The following DPP10 variants were observed in gnomAD, a reference collection of about 807,000 sequenced individuals.
DPP10 encodes the protein inactive dipeptidyl peptidase 10.
Under a neutral mutation model 120.9 loss-of-function variants are expected in DPP10, and 33 were observed. The ratio of observed to expected loss-of-function variants is 0.27; its 90% CI spans 0.21 to 0.37. The LOEUF is 0.37. DPP10 is among the 10% of genes least tolerant of loss of function. The pLI, the probability that DPP10 is intolerant of heterozygous loss-of-function variation, is 1.00. For synonymous variants in DPP10, 337 were observed against 326.1 expected (o/e 1.03, Z -0.36); for missense variants, 816 against 942.8 (o/e 0.87, Z 1.76).
At chr2:115,641,032 T>A (rs939371218) in intron 5 of DPP10, among the ~76,000 whole-genome samples, 2 of 152,176 alleles carry the variant, frequency 1.3e-5, no homozygotes, top group Non-Finnish European at 2.9e-5. Context: ...GAATAATTAC[T>A]TTGAAAATAG....
At chr2:115,077,642 C>T (rs1378894734) in intron 1 of DPP10, among the ~76,000 whole-genome samples, 1 of 152,158 alleles carries the variant, frequency 6.6e-6, no homozygotes, top group Admixed American at 6.5e-5. Flanking sequence ...CACATAACAA[C>T]AGATTTTCAC....
chr2:114,701,125 C>T (rs1049160132), intron 1 of DPP10, among the ~76,000 whole-genome samples: 1 of 152,074 alleles, frequency 6.6e-6, no homozygotes, highest in Non-Finnish European at 1.5e-5. Context: ...ATGATGTGAT[C>T]TTCTTTAATC....
At chr2:114,946,756 C>T (rs990789088) in intron 1 of DPP10, among the ~76,000 whole-genome samples, 5 of 151,530 alleles carry the variant, frequency 3.3e-5, no homozygotes, top group African/African-American at 9.7e-5. Flanking sequence ...TCTTATTTCT[C>T]GGAAGGTTCT....
chr2:114,626,433 A>C (rs1201243521), intron 1 of DPP10, among the ~76,000 whole-genome samples: 1 of 152,098 alleles, frequency 6.6e-6, no homozygotes, highest in East Asian at 1.9e-4. Context: ...AATTACATTT[A>C]ATAATCACAT....
chr2:114,711,102 G>A (rs1160847225), intron 1 of DPP10, among the ~76,000 whole-genome samples: 1 of 152,140 alleles, frequency 6.6e-6, no homozygotes. Flanking sequence ...ATTAAGGTCA[G>A]GAAAAAGGCA....
chr2:114,653,004 G>T (rs1208288616), intron 1 of DPP10, among the ~76,000 whole-genome samples: 1 of 142,458 alleles, frequency 7.0e-6, no homozygotes, highest in African/African-American at 2.8e-5. Context: ...GAGAGAGAGA[G>T]AGAGAAAGAG....
intron 1 of DPP10, chr2:114,828,632 A>C (rs549702489): frequency 4.5e-4 from 68 of 152,346 alleles, no homozygotes; most frequent in African/African-American, 1.6e-3. Context: ...ATAAAACAAC[A>C]CAAGTACAAA....
chr2:115,237,249 TTA>T (rs2058051041), intron 1 of DPP10, among the ~76,000 whole-genome samples: 1 of 152,172 alleles, frequency 6.6e-6, no homozygotes. Context: ...TAATTCATTA[TTA>T]TTGTATCTGT....
intron 1 of DPP10, among the ~76,000 whole-genome samples, chr2:115,150,169 T>A (rs2051456582): frequency 6.6e-6 from 1 of 152,142 alleles, no homozygotes; most frequent in South Asian, 2.1e-4. Context: ...AACGGAGGAT[T>A]CCCACAAGCC....
chr2:115,164,092 A>G (rs1165979773), intron 1 of DPP10, among the ~76,000 whole-genome samples: 1 of 152,126 alleles, frequency 6.6e-6, no homozygotes, highest in Non-Finnish European at 1.5e-5. Context: ...TATTGACATG[A>G]TTTGAAAATG....
At chr2:114,922,722 A>G (rs370586561) in intron 1 of DPP10, among the ~76,000 whole-genome samples, 2 of 152,180 alleles carry the variant, frequency 1.3e-5, no homozygotes, top group East Asian at 3.8e-4. Flanking sequence ...TGAATCAACA[A>G]TTTGTTTTTT....
intron 5 of DPP10, among the ~76,000 whole-genome samples, chr2:115,657,392 C>T (rs1314255616): frequency 1.3e-5 from 2 of 151,678 alleles, no homozygotes; most frequent in Non-Finnish European, 3.0e-5. Context: ...ACTCTGCAAT[C>T]GACAAAAATA....
intron 1 of DPP10, among the ~76,000 whole-genome samples, chr2:115,292,613 C>T (rs976729079): frequency 2.0e-5 from 3 of 152,098 alleles, no homozygotes; most frequent in African/African-American, 7.2e-5. Flanking sequence ...AAATCCTTGC[C>T]ATGCTGCTGT....
At position 114,553,214 on chromosome 2, in the gene DPP10, G is replaced by A. The variant is rs546592929; in HGVS notation, c.60+110376G>A. On this transcript the variant is annotated intron_variant, in intron 1 of 25. Transcript: ENST00000410059. ...CCTTTATGCCGGTCTGCCTTATGTG[G>A]CATTCGTCTCTTCCTCTTGCCAGGC... Among the ~76,000 whole-genome samples, 98 of 152,254 alleles carry A rather than the reference G, an allele frequency of 6.4e-4. 1 individual carries two copies. Among genetic ancestry groups the A allele is most frequent in the Middle Eastern group, 3.4e-3 (1 of 294 alleles).
intron 7 of DPP10, among the ~76,000 whole-genome samples, chr2:115,723,239 G>A (rs2092688664): frequency 6.6e-6 from 1 of 152,138 alleles, no homozygotes; most frequent in Non-Finnish European, 1.5e-5. Flanking sequence ...TTATGTGTCG[G>A]CGAGATTACT....
At chr2:115,449,815 G>A (rs1254780044) in intron 3 of DPP10, among the ~76,000 whole-genome samples, 1 of 152,074 alleles carries the variant, frequency 6.6e-6, no homozygotes, top group Non-Finnish European at 1.5e-5. Flanking sequence ...GCCATAAATA[G>A]CAAGGTAGTA....
intron 1 of DPP10, among the ~76,000 whole-genome samples, chr2:114,741,817 A>G (rs1248256242): frequency 6.6e-6 from 1 of 152,204 alleles, no homozygotes; most frequent in East Asian, 1.9e-4. Flanking sequence ...GGACCACCAG[A>G]AACTGAAAGA....
chr2:114,870,592 C>G (rs1690617202), intron 1 of DPP10, among the ~76,000 whole-genome samples: 1 of 83,148 alleles, frequency 1.2e-5, no homozygotes, highest in African/African-American at 3.6e-5. Flanking sequence ...GATGCAGAGA[C>G]ATTAAAAGGT....
At chr2:115,297,310 A>G (rs1342928234) in intron 1 of DPP10, 1 of 390,186 alleles carries the variant, frequency 2.6e-6, no homozygotes, top group East Asian at 8.3e-5. Context: ...GTAATTATTA[A>G]TGGGCAGCCC....
Sources: allele counts gnomAD v4.1 joint callset (sites outside exome capture counted in the v4.1 genomes callset), GRCh38; gene constraint gnomAD v4.1.1; transcripts MANE v1.5; gene names NCBI Gene and HGNC (gene_info 2026-07-23, HGNC 2026-07-21).